CREM: variants seen among roughly 807,000 people sequenced by gnomAD.
The protein encoded by CREM is cAMP-responsive element modulator.
A neutral mutation model predicts 37.3 loss-of-function variants in CREM; 13 were observed. The ratio of observed to expected loss-of-function variants is 0.35; its 90% CI spans 0.23 to 0.55. The LOEUF is 0.55. CREM is among the 20% of genes least tolerant of loss of function. The pLI, the probability that CREM is intolerant of heterozygous loss-of-function variation, is 0.88. For missense variants in CREM, 296 were observed against 362.3 expected (o/e 0.82, Z 1.49); for synonymous variants, 124 against 120.2 (o/e 1.03, Z -0.21).
intron 2 of CREM, among the ~76,000 whole-genome samples, chr10:35,144,938 T>C (rs747447993): frequency 3.4e-4 from 51 of 151,862 alleles, no homozygotes; most frequent in Non-Finnish European, 5.6e-4. Flanking sequence ...AGCGGGCTGA[T>C]CACTTGAGGC....
intron 1 of CREM, among the ~76,000 whole-genome samples, chr10:35,129,946 C>T (rs1248886629): frequency 6.6e-6 from 1 of 151,848 alleles, no homozygotes; most frequent in Non-Finnish European, 1.5e-5. Context: ...CCTGTAATCC[C>T]AGCATTTTGG....
chr10:35,187,283 A>C (rs1302110922), intron 5 of CREM, among the ~76,000 whole-genome samples: 1 of 127,812 alleles, frequency 7.8e-6, no homozygotes, highest in African/African-American at 3.0e-5. Flanking sequence ...TTTTTTTTTT[A>C]GATGGAGTCT....
At chr10:35,151,059 A>C (rs979243960) in intron 3 of CREM, among the ~76,000 whole-genome samples, 4 of 152,204 alleles carry the variant, frequency 2.6e-5, no homozygotes, top group African/African-American at 9.7e-5. Context: ...CTCTTTTAAG[A>C]AATTTGTCTT....
intron 3 of CREM, chr10:35,175,677 T>C: frequency 6.2e-7 from 1 of 1,614,076 alleles, no homozygotes; most frequent in Non-Finnish European, 8.5e-7. Flanking sequence ...AGAAAATGAC[T>C]GTTCCAGGAC....
intron 3 of CREM, among the ~76,000 whole-genome samples, chr10:35,163,788 T>C (rs1264886026): frequency 6.6e-6 from 1 of 151,864 alleles, no homozygotes; most frequent in Non-Finnish European, 1.5e-5. Context: ...ACCACTGCGC[T>C]CCAGCCTGGG....
chr10:35,199,117 C>T (rs2095308364), intron 6 of CREM, among the ~76,000 whole-genome samples: 2 of 152,238 alleles, frequency 1.3e-5, no homozygotes, highest in South Asian at 4.1e-4. Context: ...CCATTGCACT[C>T]CAGCCTGGGT....
chr10:35,176,127 G>A, intron 3 of CREM: 4 of 1,324,290 alleles, frequency 3.0e-6, no homozygotes, highest in Non-Finnish European at 4.0e-6. Context: ...GATATTTGGA[G>A]GAATCTCTTC....
At chr10:35,162,039 G>A (rs1324623613) in intron 3 of CREM, among the ~76,000 whole-genome samples, 2 of 152,158 alleles carry the variant, frequency 1.3e-5, no homozygotes, top group African/African-American at 4.8e-5. Flanking sequence ...TTCATCAGTG[G>A]ATGAATGGAT....
Position 35,126,939 on chromosome 10 carries a change from C to T in CREM, c.-309C>T, listed in dbSNP as rs114731270. On this transcript the variant is annotated 5_prime_UTR_variant, in exon 1 of 8. Transcript: ENST00000685392. ...TTCCTCGGGGCCTCCCCCGGGAGGC[C>T]GTCCCGGCGTGGGGGAGGGGAGGAC... The T allele has an allele frequency of 0.03, 4,521 of 152,202 alleles. 221 individuals are homozygous for T. The highest frequency in any genetic ancestry group is 0.1 in the African/African-American group (4,298 of 41,492). 9.4% of individuals were successfully genotyped at this position (152,202 alleles called of 1,614,324 possible). A position where few individuals can be genotyped will look rare whatever the true frequency, so the allele number is the denominator to read the frequency against.
At chr10:35,203,389 T>A (rs530501040) in intron 6 of CREM, among the ~76,000 whole-genome samples, 75 of 152,270 alleles carry the variant, frequency 4.9e-4, no homozygotes, top group African/African-American at 1.8e-3. Flanking sequence ...CCCACCCTTT[T>A]TTTAAAAAAA....
At chr10:35,176,544 A>C (rs2094097112) in intron 3 of CREM, among the ~76,000 whole-genome samples, 1 of 151,568 alleles carries the variant, frequency 6.6e-6, no homozygotes, top group African/African-American at 2.4e-5. Flanking sequence ...AGTAGCTGGG[A>C]CTACAGGCGC....
intron 6 of CREM, among the ~76,000 whole-genome samples, chr10:35,199,405 A>G (rs1029987624): frequency 2.0e-5 from 3 of 152,254 alleles, no homozygotes; most frequent in Non-Finnish European, 4.4e-5. Context: ...AGGCAAATAT[A>G]TTTATTCATT....
chr10:35,167,172 T>G (rs921489035), intron 3 of CREM, among the ~76,000 whole-genome samples: 1 of 152,152 alleles, frequency 6.6e-6, no homozygotes, highest in Non-Finnish European at 1.5e-5. Context: ...AGTGGAATAT[T>G]TTACATCTTT....
At chr10:35,129,505 C>T (rs1424642168) in intron 1 of CREM, among the ~76,000 whole-genome samples, 3 of 152,156 alleles carry the variant, frequency 2.0e-5, no homozygotes, top group South Asian at 4.1e-4. Context: ...CCAACATAGA[C>T]ATATATTTCT....
At chr10:35,209,389 C>A in intron 7 of CREM, 3 of 983,686 alleles carry the variant, frequency 3.0e-6, no homozygotes, top group Non-Finnish European at 3.6e-6. Flanking sequence ...AGCCTGAAAA[C>A]CGAGCTCACT....
rs1545757 is a variant in CREM at position 35,156,660 on chromosome 10, A to G, written c.168+8169A>G. ...AGAGGCTTTGGGAAATTTCTGCTTCATTGCATAGTTGTGACGATATCTTCA... is the reference window on the plus strand; with the variant it reads ...AGAGGCTTTGGGAAATTTCTGCTTCGTTGCATAGTTGTGACGATATCTTCA... On this transcript the variant is annotated intron_variant, in intron 3 of 7. Transcript: ENST00000685392. Among the ~76,000 whole-genome samples, 4 of 152,196 alleles carry G rather than the reference A, an allele frequency of 2.6e-5. No individual in the cohort carries two copies. The East Asian group carries it at 7.7e-4, about 29-fold the overall frequency.
chr10:35,132,608 C>T (rs977654345), intron 1 of CREM, among the ~76,000 whole-genome samples: 5 of 152,292 alleles, frequency 3.3e-5, no homozygotes, highest in African/African-American at 9.6e-5. Context: ...CTTGGCTATT[C>T]TGTTTTTACA....
intron 3 of CREM, among the ~76,000 whole-genome samples, chr10:35,174,240 A>C (rs2093950600): frequency 6.6e-6 from 1 of 152,170 alleles, no homozygotes; most frequent in Admixed American, 6.5e-5. Context: ...GCCCTCACTT[A>C]CTGTTTGGGC....
intron 7 of CREM, among the ~76,000 whole-genome samples, chr10:35,207,895 T>C (rs2095572680): frequency 6.6e-6 from 1 of 152,228 alleles, no homozygotes; most frequent in African/African-American, 2.4e-5. Flanking sequence ...TCCTGGCTGT[T>C]AAACTATTTC....
Sources: gnomAD v4.1 joint callset for allele counts (sites outside exome capture counted in the v4.1 genomes callset) on GRCh38, gnomAD v4.1.1 for gene constraint, MANE v1.5 for transcripts, NCBI Gene and HGNC (gene_info 2026-07-23, HGNC 2026-07-21) for gene names.